ZAR1: variants seen among roughly 807,000 people sequenced by gnomAD.
ZAR1 encodes zygote arrest protein 1.
A neutral mutation model predicts 38.3 loss-of-function variants in ZAR1; 37 were observed. The ratio of observed to expected loss-of-function variants is 0.97; its 90% CI spans 0.74 to 1.27. The LOEUF is 1.27. ZAR1 is among the 50% of genes most tolerant of loss of function. ZAR1 has a pLI of 0.00. For missense variants in ZAR1, 651 were observed against 632.4 expected, an observed-to-expected ratio of 1.03 and a Z score of -0.32; for synonymous variants, 336 against 292.0, an observed-to-expected ratio of 1.15 and a Z score of -1.53.
chr4:48,497,014 G>C (rs964727747), downstream of ZAR1, among the ~76,000 whole-genome samples: 1 of 152,022 alleles, frequency 6.6e-6, no homozygotes, highest in Non-Finnish European at 1.5e-5. Context: ...TATGTGTTTT[G>C]CCACACCCTC....
downstream of ZAR1, chr4:48,494,450 T>C (rs1308759307): frequency 4.8e-6 from 3 of 629,724 alleles, no homozygotes; most frequent in Admixed American, 3.1e-5. Flanking sequence ...TGTCTTGTGC[T>C]AACAGTCTGG....
At chr4:48,496,699 TTTAAG>T (rs1718631512), downstream of ZAR1, among the ~76,000 whole-genome samples, 2 of 152,172 alleles carry the variant, frequency 1.3e-5, no homozygotes, top group Admixed American at 1.3e-4. Context: ...GTGAATAGAT[TTTAAG>T]TTGAGAGGTT....
chr4:48,491,895 G>A (rs554391814), intron 1 of ZAR1, among the ~76,000 whole-genome samples: 10 of 152,356 alleles, frequency 6.6e-5, no homozygotes, highest in African/African-American at 2.4e-4. Flanking sequence ...AAGGGCTGGG[G>A]CACGCAGAGG....
intron 1 of ZAR1, 118 bp from the exon 2 acceptor site, chr4:48,492,648 G>A: frequency 1.0e-6 from 1 of 959,354 alleles, no homozygotes; most frequent in Non-Finnish European, 1.6e-6. Context: ...AACCTGACCT[G>A]CTTTCTTTCA....
At chr4:48,496,743 G>T (rs1272616591), downstream of ZAR1, among the ~76,000 whole-genome samples, 1 of 152,166 alleles carries the variant, frequency 6.6e-6, no homozygotes, top group African/African-American at 2.4e-5. Context: ...ATGTCTCTGG[G>T]TATCAAGAGA....
In ZAR1 at chr4:48,492,641, C is replaced by CT. The variant is rs1718475917; in HGVS notation, c.964-124dup. On this transcript the variant is annotated intron_variant, in intron 1 of 3. Transcript: ENST00000327939. ...CTGTATTGAAGAGGCGTACCCAAACCTGACCTGCTTTCTTTCATGATCTGA... is the reference window on the plus strand; with the variant it reads ...CTGTATTGAAGAGGCGTACCCAAACCTTGACCTGCTTTCTTTCATGATCTGA... 3 of 894,988 alleles carry CT rather than the reference C, an allele frequency of 3.4e-6. No individual in the cohort carries two copies. In the East Asian group the frequency reaches 7.2e-5, roughly 21 times the overall value. 55.4% of individuals were successfully genotyped at this position (894,988 alleles called of 1,614,324 possible). A position where few individuals can be genotyped will look rare whatever the true frequency, so the allele number is the denominator to read the frequency against.
In ZAR1 at chr4:48,490,331, T is replaced by C; in HGVS notation, c.40T>C (p.Phe14Leu). The part of the protein sequence containing the change: ...LGDEVLDGYV[F>L]PACPPCSYRY... Reference sequence around the variant, plus strand: ...GGACGAGGTGCTGGACGGTTACGTGTTCCCGGCGTGCCCCCCCTGCTCGTA... The same window carrying C: ...GGACGAGGTGCTGGACGGTTACGTGCTCCCGGCGTGCCCCCCCTGCTCGTA... Residue 14 changes from phenylalanine to leucine, a missense_variant, in exon 1 of 4, where the codon TTC (phenylalanine) becomes CTC (leucine). By Grantham distance (22) the Phe-to-Leu change is conservative. Around this residue, in one of 2 missense-constraint regions of ZAR1, gnomAD observed 522 missense variants for 459.9 expected, o/e 1.14. Coordinates refer to ENST00000327939, the MANE Select transcript of ZAR1 (RefSeq NM_175619.3). 6.6e-7 allele frequency: 1 copy of C among 1,513,768 alleles called. No individual in the cohort carries two copies. Among genetic ancestry groups the C allele is most frequent in the Non-Finnish European group, 8.8e-7 (1 of 1,137,076 alleles). The allele number at this position is 1,513,768 out of a possible 1,614,324, so 93.8% of individuals were successfully genotyped here.
Position 48,491,032 on chromosome 4 carries a change from C to A in ZAR1, c.741C>A (p.Ala247=). The A allele has an allele frequency of 7.3e-7, 1 of 1,361,850 alleles. No homozygotes were observed. Among genetic ancestry groups the A allele is most frequent in the Non-Finnish European group, 9.4e-7 (1 of 1,062,506 alleles). 84.4% of individuals were successfully genotyped at this position (1,361,850 alleles called of 1,614,324 possible). ...PQSDDDGEAQ[A]AVRASWEQPA... Reference sequence around the variant, plus strand: ...CCGACGACGACGGCGAGGCCCAGGCCGCAGTCCGAGCGAGCTGGGAGCAGC... The same window carrying A: ...CCGACGACGACGGCGAGGCCCAGGCAGCAGTCCGAGCGAGCTGGGAGCAGC... Residue 247 remains alanine (A), a synonymous_variant, in exon 1 of 4, where the codon GCC becomes GCA. Coordinates refer to ENST00000327939, the MANE Select transcript of ZAR1 (RefSeq NM_175619.3).
In ZAR1 at chr4:48,491,165, G is replaced by A; in HGVS notation, c.874G>A (p.Asp292Asn). 1.6e-6 allele frequency: 2 copies of A among 1,239,122 alleles called. No homozygotes were observed. The highest frequency in any genetic ancestry group is 2.0e-6 in the Non-Finnish European group (2 of 993,156). 76.8% of individuals were successfully genotyped at this position (1,239,122 alleles called of 1,614,324 possible). Residue 292 changes from aspartate to asparagine, a missense_variant, in exon 1 of 4, where the codon GAC (aspartate) becomes AAC (asparagine). Asp to Asn is a conservative substitution (Grantham distance 23). Around this residue, in one of 2 missense-constraint regions of ZAR1, gnomAD observed 522 missense variants for 459.9 expected, o/e 1.14. Transcript: ENST00000327939. ...ACCTCCGTCGGCGGGGAGGGCCCGA[G>A]ACGGCGGCGACGGACGGGAGGCGGC... Reference protein sequence around the residue: ...GQPPSAGRARDGGDGREAAVA... With the variant: ...GQPPSAGRARNGGDGREAAVA...
chr4:48,490,907 T>C lies in ZAR1; in HGVS notation c.616T>C (p.Ser206Pro), dbSNP rs1207411083. ...CGGGCCCGCGGCGGGCGAGCAGAGG[T>C]CCGGGGCGTCGGACGGAGAGAGGGG... is the stretch of plus-strand genomic sequence containing the variant. ...GPGPAAGEQR[S>P]GASDGERGPP... Residue 206 changes from serine (S) to proline (P), a missense_variant, in exon 1 of 4, where the codon TCC becomes CCC. Around this residue, in one of 2 missense-constraint regions of ZAR1, gnomAD observed 522 missense variants for 459.9 expected, o/e 1.14. Transcript: ENST00000327939. 1.7e-5 allele frequency: 23 copies of C among 1,365,412 alleles called. No homozygotes were observed. Among genetic ancestry groups the C allele is most frequent in the East Asian group, 3.1e-5 (1 of 32,204 alleles). 84.6% of individuals were successfully genotyped at this position (1,365,412 alleles called of 1,614,324 possible). A position where few individuals can be genotyped will look rare whatever the true frequency, so the allele number is the denominator to read the frequency against.
Position 48,490,712 on chromosome 4 carries a change from G to A in ZAR1, c.421G>A (p.Gly141Arg). 2.2e-6 allele frequency: 3 copies of A among 1,336,200 alleles called. No individual in the cohort carries two copies. The highest frequency in any genetic ancestry group is 1.9e-5 in the South Asian group (1 of 52,676). 82.8% of individuals were successfully genotyped at this position (1,336,200 alleles called of 1,614,324 possible). Residue 141 changes from glycine to arginine, a missense_variant, in exon 1 of 4, where the codon GGG (glycine) becomes AGG (arginine). Physicochemically the swap from Gly to Arg is moderately radical, Grantham distance 125. Transcript: ENST00000327939. ...ARDPESPAGP[G>R]AEGTTGGGSF... ...CGACCCCGAGTCCCCGGCCGGCCCC[G>A]GGGCCGAGGGCACCACGGGTGGCGG...
At chr4:48,493,104 C>T in intron 3 of ZAR1, 92 bp downstream of exon 3, 1 of 1,194,308 alleles carries the variant, frequency 8.4e-7, no homozygotes, top group South Asian at 1.4e-5. Context: ...AGGCCAGGCC[C>T]CCAGACCTTA....
Position 48,490,639 on chromosome 4 carries a change from C to G in ZAR1, c.348C>G (p.Ala116=), listed in dbSNP as rs1285205948. ...TGCAGGTGAGCCCGCGCATCGACGCCGCGGTACAGTGCTCGCTGGGGAGGC... is the reference window on the plus strand; with the variant it reads ...TGCAGGTGAGCCCGCGCATCGACGCGGCGGTACAGTGCTCGCTGGGGAGGC... The part of the protein sequence containing the change: ...VAVQVSPRID[A]AVQCSLGRRT... The change falls in exon 1 of 4, where the codon GCC becomes GCG. Residue 116 remains alanine, a synonymous_variant. Coordinates refer to ENST00000327939, the MANE Select transcript of ZAR1 (RefSeq NM_175619.3). 1 of 1,354,112 alleles carries G rather than the reference C, an allele frequency of 7.4e-7. No individual in the cohort carries two copies. The highest frequency in any genetic ancestry group is 1.5e-5 in the African/African-American group (1 of 65,050). 83.9% of individuals were successfully genotyped at this position (1,354,112 alleles called of 1,614,324 possible). A position where few individuals can be genotyped will look rare whatever the true frequency, so the allele number is the denominator to read the frequency against.
chr4:48,490,333 C>A lies in ZAR1; in HGVS notation c.42C>A (p.Phe14Leu), dbSNP rs1208527639. 4.0e-6 allele frequency: 6 copies of A among 1,513,878 alleles called. No individual in the cohort carries two copies. Among genetic ancestry groups the A allele is most frequent in the Non-Finnish European group, 5.3e-6 (6 of 1,137,128 alleles). The allele number at this position is 1,513,878 out of a possible 1,614,324, so 93.8% of individuals were successfully genotyped here. A position where few individuals can be genotyped will look rare whatever the true frequency, so the allele number is the denominator to read the frequency against. Reference protein sequence around the residue: ...LGDEVLDGYVFPACPPCSYRY... With the variant: ...LGDEVLDGYVLPACPPCSYRY... Reference sequence around the variant, plus strand: ...ACGAGGTGCTGGACGGTTACGTGTTCCCGGCGTGCCCCCCCTGCTCGTACC... The same window carrying A: ...ACGAGGTGCTGGACGGTTACGTGTTACCGGCGTGCCCCCCCTGCTCGTACC... Residue 14 changes from phenylalanine (F) to leucine (L), a missense_variant, in exon 1 of 4, where the codon TTC (phenylalanine) becomes TTA (leucine). Transcript: ENST00000327939.
chr4:48,495,372 T>C (rs922775639), downstream of ZAR1, among the ~76,000 whole-genome samples: 2 of 152,204 alleles, frequency 1.3e-5, no homozygotes, highest in Non-Finnish European at 2.9e-5. Context: ...TAGGACTAAG[T>C]CTTAACATCT....
chr4:48,494,299 C>G lies in ZAR1; in HGVS notation c.*55C>G, dbSNP rs535271386. 520 of 1,593,570 alleles carry G rather than the reference C, an allele frequency of 3.3e-4. 3 individuals are homozygous for G. In the Admixed American group the frequency reaches 8.3e-3, roughly 26 times the overall value. On this transcript the variant is annotated 3_prime_UTR_variant, in exon 4 of 4. Coordinates refer to ENST00000327939, the MANE Select transcript of ZAR1 (RefSeq NM_175619.3). ...GATGGAGTAGACGAGTGAGCTTTTC[C>G]GTGCCTCTCCTCCACCTCTCCCTTC...
chr4:48,494,073 C>T (rs2148674918), intron 3 of ZAR1, 28 bp from the exon 4 acceptor site: 1 of 1,605,164 alleles, frequency 6.2e-7, no homozygotes, highest in Non-Finnish European at 8.5e-7. Context: ...TTATCTTCTG[C>T]ATGCCCTTCT....
Position 48,494,233 on chromosome 4 carries a change from T to A in ZAR1, c.1264T>A (p.Tyr422Asn), listed in dbSNP as rs1718523351. Residue 422 changes from tyrosine (Y) to asparagine (N), a missense_variant, in exon 4 of 4, where the codon TAC becomes AAC. Tyr to Asn is a moderately radical substitution (Grantham distance 143). Around this residue, in one of 2 missense-constraint regions of ZAR1, gnomAD observed 129 missense variants for 172.5 expected, o/e 0.75. Coordinates refer to ENST00000327939, the MANE Select transcript of ZAR1 (RefSeq NM_175619.3). ...LSCDSTFSFK[Y>N]II The stretch of plus-strand genomic sequence containing the variant: ...CTGTGACAGCACTTTCAGCTTCAAA[T>A]ACATCATTTAGGTGAAAGTCAGTGT... 6.2e-7 allele frequency: 1 copy of A among 1,614,172 alleles called. No homozygotes were observed. Among genetic ancestry groups the A allele is most frequent in the Non-Finnish European group, 8.5e-7 (1 of 1,180,024 alleles).
At chr4:48,493,192 T>C (rs368978152) in intron 3 of ZAR1, among the ~76,000 whole-genome samples, 180 bp downstream of exon 3, 1 of 152,234 alleles carries the variant, frequency 6.6e-6, no homozygotes, top group African/African-American at 2.4e-5. Flanking sequence ...AGCTTCTTTC[T>C]GGCCTTGCAA....
Sources: gnomAD v4.1 joint callset for allele counts (sites outside exome capture counted in the v4.1 genomes callset) on GRCh38, gnomAD v4.1.1 for gene constraint, gnomAD v4.1.1 regional missense constraint, MANE v1.5 for transcripts, NCBI Gene and HGNC (gene_info 2026-07-23, HGNC 2026-07-21) for gene names.